The following CCNB1IP1 variants were observed in gnomAD, a reference collection of about 807,000 sequenced individuals.
CCNB1IP1 encodes the protein cyclin B1 interacting protein 1, also known as E3 ubiquitin-protein ligase CCNB1IP1.
CCNB1IP1 carries 14 observed loss-of-function variants against 25.6 expected under a neutral mutation model. The observed-to-expected ratio is 0.55, with a 90% CI of 0.36 to 0.85. CCNB1IP1 has a LOEUF of 0.85. Among genes scored for constraint, CCNB1IP1 ranks in the 40% least tolerant of loss-of-function variants. The pLI is 0.01. For missense variants in CCNB1IP1, 278 were observed against 342.4 expected (o/e 0.81, Z 1.48); for synonymous variants, 119 against 116.1 (o/e 1.02, Z -0.16).
At chr14:20,312,430 G>A (rs1882527551) in intron 6 of CCNB1IP1, among the ~76,000 whole-genome samples, 1 of 151,322 alleles carries the variant, frequency 6.6e-6, no homozygotes, top group South Asian at 2.1e-4. Flanking sequence ...TGCCCAGGCT[G>A]GTCTCAAACT....
At chr14:20,313,392 A>G in intron 6 of CCNB1IP1, 76 bp downstream of exon 6, 1 of 1,175,100 alleles carries the variant, frequency 8.5e-7, no homozygotes. Context: ...TCTCGACTGA[A>G]TGCTTGGAAG....
At chr14:20,313,249 G>A (rs942372638) in intron 6 of CCNB1IP1, among the ~76,000 whole-genome samples, 1 of 152,172 alleles carries the variant, frequency 6.6e-6, no homozygotes, top group Admixed American at 6.5e-5. Context: ...ATTTTGCAGA[G>A]ATTAACTGCT....
At chr14:20,322,864 C>T (rs1218227785) in intron 4 of CCNB1IP1, among the ~76,000 whole-genome samples, 5 of 152,016 alleles carry the variant, frequency 3.3e-5, no homozygotes, top group Non-Finnish European at 7.4e-5. Context: ...CTCAGGTGAT[C>T]CGCCCACCTC....
At chr14:20,319,260 G>A (rs987683162) in intron 4 of CCNB1IP1, among the ~76,000 whole-genome samples, 6 of 152,108 alleles carry the variant, frequency 3.9e-5, no homozygotes, top group African/African-American at 1.2e-4. Flanking sequence ...CATCTGTTTC[G>A]GAGTAATTAG....
intron 2 of CCNB1IP1, among the ~76,000 whole-genome samples, chr14:20,328,713 T>C (rs1883152586): frequency 6.6e-6 from 1 of 152,216 alleles, no homozygotes; most frequent in African/African-American, 2.4e-5. Flanking sequence ...AGAGGCCTGG[T>C]CTTTTTGTTT....
chr14:20,320,174 G>A (rs1882845836), intron 4 of CCNB1IP1: 2 of 320,148 alleles, frequency 6.2e-6, no homozygotes, highest in East Asian at 8.9e-5. Context: ...TTTCCTTTTT[G>A]TACTTATGTC....
At chr14:20,324,186 G>A (rs961873533) in intron 4 of CCNB1IP1, among the ~76,000 whole-genome samples, 5 of 152,058 alleles carry the variant, frequency 3.3e-5, no homozygotes, top group African/African-American at 1.2e-4. Context: ...TAAAAACAAA[G>A]AATTTCCTCT....
Position 20,311,557 on chromosome 14 carries a change from C to A in CCNB1IP1, c.827G>T (p.Arg276Ile). Residue 276 changes from arginine to isoleucine, a missense_variant, in exon 7 of 7, where the codon AGA becomes ATA. Physicochemically the swap from Arg to Ile is moderately conservative, Grantham distance 97. Transcript: ENST00000358932. ...QVSSRAFKVK[R>I]I ...CGTGACACTATGCGTGGCTCAAATT[C>A]TTTTTACTTTGAAGGCCCTGCTAGA... 3 of 1,612,746 alleles carry A rather than the reference C, an allele frequency of 1.9e-6. No homozygotes were observed. The highest frequency in any genetic ancestry group is 2.5e-6 in the Non-Finnish European group (3 of 1,179,702).
Position 20,322,062 on chromosome 14 carries a change from G to A in CCNB1IP1, c.-38+3477C>T, listed in dbSNP as rs76777297. On this transcript the variant is annotated intron_variant, in intron 4 of 6. Coordinates refer to ENST00000358932, the MANE Select transcript of CCNB1IP1 (RefSeq NM_021178.5). ...TCAATGATAAATATCAAGTAAGATT[G>A]TAAATAAAATATTAACAATAAAAGA... 4.8e-3 allele frequency among the ~76,000 whole-genome samples: 731 copies of A among 152,280 alleles called. 9 individuals are homozygous for A. Among genetic ancestry groups the A allele is most frequent in the African/African-American group, 0.017 (688 of 41,564 alleles).
chr14:20,315,947 C>T (rs964751663), intron 5 of CCNB1IP1: 3 of 451,870 alleles, frequency 6.6e-6, no homozygotes, highest in African/African-American at 2.0e-5. Context: ...TGTGTGTTAT[C>T]TTACTTTTAT....
intron 5 of CCNB1IP1, among the ~76,000 whole-genome samples, chr14:20,315,308 C>T (rs1207910366): frequency 6.6e-6 from 1 of 152,102 alleles, no homozygotes; most frequent in Non-Finnish European, 1.5e-5. Flanking sequence ...TGTGGAGCAA[C>T]AGGAATTCTC....
chr14:20,331,994 TG>T (rs1883249402), intron 1 of CCNB1IP1, among the ~76,000 whole-genome samples: 1 of 139,388 alleles, frequency 7.2e-6, no homozygotes, highest in Non-Finnish European at 1.5e-5. Flanking sequence ...TATATATATA[TG>T]ATGTGTATAC....
chr14:20,313,549 G>T lies in CCNB1IP1; in HGVS notation c.550C>A (p.Arg184=). 1 of 1,614,172 alleles carries T rather than the reference G, an allele frequency of 6.2e-7. No homozygotes were observed. Among genetic ancestry groups the T allele is most frequent in the Non-Finnish European group, 8.5e-7 (1 of 1,180,012 alleles). Residue 184 remains arginine (R), a synonymous_variant, in exon 6 of 7, where the codon CGA becomes AGA. Transcript: ENST00000358932. The stretch of plus-strand genomic sequence containing the variant: ...TCATGGTTAGCAATAGTGATGTTTC[G>T]TAGCCTAAGGCTATCATAGAGGCCT... ...LQGLYDSLRL[R]NITIANHEGT...
chr14:20,316,426 CAGA>C lies in CCNB1IP1; in HGVS notation c.95_97del (p.Phe32del), dbSNP rs751616616. The C allele has an allele frequency of 1.9e-6, 3 of 1,614,008 alleles. No individual in the cohort carries two copies. Among genetic ancestry groups the C allele is most frequent in the Non-Finnish European group, 2.5e-6 (3 of 1,179,946 alleles). The stretch of plus-strand genomic sequence containing the variant: ...AAACTCACCACTGCCATGCTGATCA[CAGA>C]AGATGTGAGAGCAGGCAGTGACCCA... On this transcript the variant is annotated inframe_deletion, in exon 5 of 7. Coordinates refer to ENST00000358932, the MANE Select transcript of CCNB1IP1 (RefSeq NM_021178.5).
At chr14:20,328,106 A>G (rs975044487) in intron 2 of CCNB1IP1, among the ~76,000 whole-genome samples, 4 of 152,186 alleles carry the variant, frequency 2.6e-5, no homozygotes, top group Non-Finnish European at 5.9e-5. Flanking sequence ...TAGAAATCCT[A>G]TCTGTCAAGC....
At chr14:20,326,656 C>G (rs937462106) in intron 3 of CCNB1IP1, 60 bp downstream of exon 3, 2 of 345,130 alleles carry the variant, frequency 5.8e-6, no homozygotes, top group African/African-American at 4.3e-5. Flanking sequence ...AGTCCCAAGT[C>G]TTGCTAAGTG....
At chr14:20,332,228 A>G (rs548848581) in intron 1 of CCNB1IP1, among the ~76,000 whole-genome samples, 3 of 151,754 alleles carry the variant, frequency 2.0e-5, no homozygotes, top group African/African-American at 7.2e-5. Flanking sequence ...CTTGAGAATT[A>G]TAAAAATTAT....
At chr14:20,319,359 T>G (rs1882819737) in intron 4 of CCNB1IP1, among the ~76,000 whole-genome samples, 1 of 152,228 alleles carries the variant, frequency 6.6e-6, no homozygotes, top group African/African-American at 2.4e-5. Context: ...AAGGAGATCT[T>G]CATGTGTGAA....
At chr14:20,321,257 A>G (rs1882886941) in intron 4 of CCNB1IP1, among the ~76,000 whole-genome samples, 1 of 152,228 alleles carries the variant, frequency 6.6e-6, no homozygotes, top group Non-Finnish European at 1.5e-5. Context: ...ATTTGAACAC[A>G]TAGAAGTAAC....
Sources: gnomAD v4.1 joint callset for allele counts (sites outside exome capture counted in the v4.1 genomes callset) on GRCh38, gnomAD v4.1.1 for gene constraint, MANE v1.5 for transcripts, NCBI Gene and HGNC (gene_info 2026-07-23, HGNC 2026-07-21) for gene names.